The following EXOC1 variants were observed in gnomAD, a reference collection of about 807,000 sequenced individuals.
The protein encoded by EXOC1 is exocyst complex component 1.
Under a neutral mutation model 107.7 loss-of-function variants are expected in EXOC1, and 67 were observed. That is an observed-to-expected ratio of 0.62 (90% CI 0.51 to 0.76). EXOC1 has a LOEUF of 0.76. Among genes scored for constraint, EXOC1 ranks in the 30% least tolerant of loss-of-function variants. The pLI is 0.00. For synonymous variants in EXOC1, 348 were observed against 353.5 expected (o/e 0.98, Z 0.17); for missense variants, 833 against 1,055.7 (o/e 0.79, Z 2.92).
chr4:55,903,976 A>G lies in EXOC1; in HGVS notation c.2533-367A>G, dbSNP rs1035759565. 5.3e-5 allele frequency among the ~76,000 whole-genome samples: 8 copies of G among 152,320 alleles called. 1 individual carries two copies. The South Asian group carries it at 1.2e-3, about 24-fold the overall frequency. On this transcript the variant is annotated intron_variant, in intron 18 of 18. Coordinates refer to ENST00000381295, the MANE Select transcript of EXOC1 (RefSeq NM_001024924.2). The stretch of plus-strand genomic sequence containing the variant: ...GTCTTAGTTCTATACATAATTGTGC[A>G]TATCCACATCTGTGTTGCATATTGG...
chr4:55,887,295 C>G (rs1259983959), intron 10 of EXOC1, among the ~76,000 whole-genome samples: 1 of 152,040 alleles, frequency 6.6e-6, no homozygotes, highest in Non-Finnish European at 1.5e-5. Flanking sequence ...AACTAGGAAA[C>G]CTTGTTGATT....
At chr4:55,856,235 A>G (rs556645837) in intron 1 of EXOC1, among the ~76,000 whole-genome samples, 70 of 152,344 alleles carry the variant, frequency 4.6e-4, no homozygotes, top group Non-Finnish European at 9.1e-4. Flanking sequence ...AGAAAATAAT[A>G]CAGTTTATGG....
chr4:55,875,959 A>G (rs1722858455), intron 8 of EXOC1: 5 of 944,826 alleles, frequency 5.3e-6, no homozygotes, highest in Non-Finnish European at 6.3e-6. Context: ...ATAGACCTAA[A>G]ACTATAATAT....
At chr4:55,870,652 GTTT>G in intron 5 of EXOC1, 23 bp from the exon 6 acceptor site, 3 of 1,567,734 alleles carry the variant, frequency 1.9e-6, no homozygotes, top group Non-Finnish European at 2.6e-6. Context: ...TTGTTTGTTT[GTTT>G]GTTTTGGTCT....
At chr4:55,861,796 G>A (rs766526472) in intron 3 of EXOC1, among the ~76,000 whole-genome samples, 50 of 152,252 alleles carry the variant, frequency 3.3e-4, no homozygotes, top group Admixed American at 4.6e-4. Context: ...GCTCACGCCT[G>A]TAATCCTAAC....
At chr4:55,865,034 T>C (rs1333600498) in intron 4 of EXOC1, among the ~76,000 whole-genome samples, 1 of 152,202 alleles carries the variant, frequency 6.6e-6, no homozygotes, top group African/African-American at 2.4e-5. Flanking sequence ...GAACTAGAGA[T>C]AATAATAGTA....
rs115445929 is a variant in EXOC1 at position 55,859,787 on chromosome 4, A to G, written c.125-624A>G. Among the ~76,000 whole-genome samples, 1,075 of 152,352 alleles carry G rather than the reference A, an allele frequency of 7.1e-3. 15 individuals carry two copies. Among genetic ancestry groups the G allele is most frequent in the African/African-American group, 0.024 (1,003 of 41,572 alleles). On this transcript the variant is annotated intron_variant, in intron 2 of 18. Transcript: ENST00000381295. ...TGAATTTTATCAACTGCTTTTTCAT[A>G]TCATTGATATCATAAAATTTTCTTC... is the stretch of plus-strand genomic sequence containing the variant.
chr4:55,859,742 A>T (rs958744087), intron 2 of EXOC1, among the ~76,000 whole-genome samples: 12 of 152,170 alleles, frequency 7.9e-5, no homozygotes, highest in African/African-American at 2.9e-4. Context: ...ACACTTTTTT[A>T]AAAAATCATG....
In EXOC1 at chr4:55,892,670, A is replaced by C. The variant is rs752866211; in HGVS notation, c.1683A>C (p.Ser561=). The C allele has an allele frequency of 6.2e-7, 1 of 1,614,140 alleles. No individual in the cohort carries two copies. The highest frequency in any genetic ancestry group is 1.7e-5 in the Admixed American group (1 of 60,022). ...EAEDLDGGTL[S]RQHNCGTPLP... is the part of the protein sequence containing the mutation. The stretch of plus-strand genomic sequence containing the variant: ...AGGACCTGGATGGAGGAACATTATC[A>C]CGGCAACATAATTGTGGCACACCAC... The change falls in exon 14 of 19, where the codon TCA becomes TCC. Residue 561 remains serine (S), a synonymous_variant. Coordinates refer to ENST00000381295, the MANE Select transcript of EXOC1 (RefSeq NM_001024924.2).
chr4:55,877,490 T>G, intron 8 of EXOC1: 2 of 985,066 alleles, frequency 2.0e-6, no homozygotes, highest in Non-Finnish European at 2.4e-6. Flanking sequence ...TTTTAAATAT[T>G]ACAAACTCTA....
At chr4:55,858,680 G>A (rs1042861176) in intron 2 of EXOC1, among the ~76,000 whole-genome samples, 1 of 152,104 alleles carries the variant, frequency 6.6e-6, no homozygotes, top group Admixed American at 6.5e-5. Flanking sequence ...ATGAGATTGA[G>A]CATCTTCTCA....
chr4:55,870,704 T>C lies in EXOC1; in HGVS notation c.630T>C (p.Ser210=), dbSNP rs767397918. The change falls in exon 6 of 19, where the codon TCT becomes TCC. Residue 210 remains serine (S), a synonymous_variant. Coordinates refer to ENST00000381295, the MANE Select transcript of EXOC1 (RefSeq NM_001024924.2). The part of the protein sequence containing the change: ...DGANIQSIMA[S]EKQVNILMKL... ...CTAACATCCAGTCAATCATGGCATC[T>C]GAAAAACAAGTCAACATCCTGATGA... The C allele has an allele frequency of 6.2e-7, 1 of 1,613,760 alleles. No individual in the cohort carries two copies. Among genetic ancestry groups the C allele is most frequent in the Admixed American group, 1.7e-5 (1 of 59,994 alleles).
At chr4:55,868,653 T>C in intron 5 of EXOC1, 130 bp downstream of exon 5, 1 of 669,242 alleles carries the variant, frequency 1.5e-6, no homozygotes, top group South Asian at 3.3e-5. Flanking sequence ...TATAAGCACA[T>C]TACCAGCTGC....
At position 55,904,549 on chromosome 4, in the gene EXOC1, CTA is replaced by C. The variant is rs1033183272; in HGVS notation, c.*57_*58del. 2.5e-5 allele frequency: 38 copies of C among 1,497,156 alleles called. No individual in the cohort carries two copies. Among genetic ancestry groups the C allele is most frequent in the Non-Finnish European group, 3.3e-5 (37 of 1,117,082 alleles). The allele number at this position is 1,497,156 out of a possible 1,614,324, so 92.7% of individuals were successfully genotyped here. ...ATGAAGCATTTGAGTATAACAGACA[CTA>C]TACCAAAATACCAAGCAACTGTTTT... On this transcript the variant is annotated 3_prime_UTR_variant, in exon 19 of 19. Transcript: ENST00000381295.
chr4:55,891,566 A>T (rs1238940986), intron 13 of EXOC1, 144 bp downstream of exon 13: 1 of 588,690 alleles, frequency 1.7e-6, no homozygotes, highest in African/African-American at 1.9e-5. Flanking sequence ...AGGATTTAGG[A>T]TGTAAGGAAT....
chr4:55,859,133 A>G (rs1258332926), intron 2 of EXOC1, among the ~76,000 whole-genome samples: 1 of 151,898 alleles, frequency 6.6e-6, no homozygotes, highest in African/African-American at 2.4e-5. Context: ...TCTTTATTCC[A>G]CCTAAATTTT....
chr4:55,886,208 G>A (rs1484167122), intron 10 of EXOC1, among the ~76,000 whole-genome samples: 1 of 152,092 alleles, frequency 6.6e-6, no homozygotes, highest in African/African-American at 2.4e-5. Context: ...AGTTGAGTGT[G>A]TTCAATGCAT....
At position 55,853,749 on chromosome 4, in the gene EXOC1, C is replaced by G. The variant is rs909998245; in HGVS notation, c.-215C>G. On this transcript the variant is annotated 5_prime_UTR_variant, in exon 1 of 19. Transcript: ENST00000381295. The stretch of plus-strand genomic sequence containing the variant: ...ATCCTAGTGGCCCCCATCCGGTCTC[C>G]GTTTTGGAAGACCCGCCTCGGCACA... 6.6e-6 allele frequency: 1 copy of G among 152,276 alleles called. No homozygotes were observed. Among genetic ancestry groups the G allele is most frequent in the Non-Finnish European group, 1.5e-5 (1 of 68,076 alleles). The allele number at this position is 152,276 out of a possible 1,614,324, so 9.4% of individuals were successfully genotyped here.
At chr4:55,865,532 T>C (rs1346366999) in intron 4 of EXOC1, among the ~76,000 whole-genome samples, 1 of 152,218 alleles carries the variant, frequency 6.6e-6, no homozygotes, top group African/African-American at 2.4e-5. Flanking sequence ...TTATGGTAAC[T>C]TTTCATGCCT....
Sources: gnomAD v4.1 joint callset for allele counts (sites outside exome capture counted in the v4.1 genomes callset) on GRCh38, gnomAD v4.1.1 for gene constraint, MANE v1.5 for transcripts, NCBI Gene and HGNC (gene_info 2026-07-23, HGNC 2026-07-21) for gene names.